The following EYA4 variants were observed in gnomAD, a reference collection of about 807,000 sequenced individuals.
EYA4 encodes the protein EYA transcriptional coactivator and phosphatase 4.
EYA4 carries 31 observed loss-of-function variants against 87.9 expected under a neutral mutation model. The observed-to-expected ratio is 0.35, with a 90% CI of 0.27 to 0.48. EYA4 has a LOEUF of 0.48. Ranked by LOEUF, EYA4 falls within the 20% of genes least tolerant of loss-of-function variation. The pLI is 0.99. For synonymous variants in EYA4, 263 were observed against 270.6 expected (o/e 0.97, Z 0.28); for missense variants, 678 against 761.4 (o/e 0.89, Z 1.29).
intron 12 of EYA4, 147 bp downstream of exon 12, chr6:133,481,746 A>G (rs761377497): frequency 2.3e-4 from 190 of 831,064 alleles, no homozygotes; most frequent in Non-Finnish European, 3.6e-4. Flanking sequence ...TAGGCATTTT[A>G]CAACTCTGAA....
chr6:133,247,288 A>G (rs761881029), intron 1 of EYA4: 2 of 152,202 alleles, frequency 1.3e-5, no homozygotes, highest in South Asian at 2.1e-4. Context: ...ATTATCAAGA[A>G]CTTATGACCA....
intron 2 of EYA4, among the ~76,000 whole-genome samples, chr6:133,321,748 C>T (rs1781106191): frequency 1.3e-5 from 2 of 152,136 alleles, no homozygotes; most frequent in African/African-American, 4.8e-5. Flanking sequence ...TTTTCTTTCC[C>T]CCACAGCATC....
intron 2 of EYA4, among the ~76,000 whole-genome samples, chr6:133,304,030 G>A (rs555742533): frequency 1.3e-5 from 2 of 152,140 alleles, no homozygotes; most frequent in African/African-American, 4.8e-5. Flanking sequence ...AGAAGGTTCA[G>A]ATCAGTATGT....
chr6:133,337,330 A>C (rs1419327622), intron 2 of EYA4, among the ~76,000 whole-genome samples: 1 of 151,880 alleles, frequency 6.6e-6, no homozygotes, highest in Non-Finnish European at 1.5e-5. Context: ...AGATATGAGA[A>C]ATGAATAAAT....
intron 10 of EYA4, among the ~76,000 whole-genome samples, chr6:133,466,934 G>T (rs921395269): frequency 6.6e-6 from 1 of 152,074 alleles, no homozygotes; most frequent in African/African-American, 2.4e-5. Flanking sequence ...ATAGCATTTT[G>T]AGCAAGAAAA....
chr6:133,250,062 C>T (rs1425858078), intron 1 of EYA4, among the ~76,000 whole-genome samples: 1 of 152,174 alleles, frequency 6.6e-6, no homozygotes, highest in East Asian at 1.9e-4. Context: ...AACATCCCCT[C>T]CTTGAGACTG....
At chr6:133,349,605 A>T (rs1202717252) in intron 2 of EYA4, among the ~76,000 whole-genome samples, 1 of 151,236 alleles carries the variant, frequency 6.6e-6, no homozygotes, top group African/African-American at 2.5e-5. Context: ...ATGTATGCTG[A>T]AACAAAATGC....
At chr6:133,252,761 A>G (rs1480372168) in intron 1 of EYA4, among the ~76,000 whole-genome samples, 1 of 152,206 alleles carries the variant, frequency 6.6e-6, no homozygotes, top group Non-Finnish European at 1.5e-5. Context: ...TAAACAGTAG[A>G]TAATTTTTAT....
At chr6:133,419,127 C>A (rs6912802) in intron 3 of EYA4, among the ~76,000 whole-genome samples, 7,713 of 151,944 alleles carry the variant, frequency 0.051, 576 homozygotes, top group African/African-American at 0.16. Context: ...AGGTATAGGC[C>A]CTGCACGGCC....
At chr6:133,417,584 A>G (rs1479259949) in intron 3 of EYA4, among the ~76,000 whole-genome samples, 7 of 152,194 alleles carry the variant, frequency 4.6e-5, no homozygotes, top group Non-Finnish European at 8.8e-5. Context: ...TATATGTTCT[A>G]TATAGGCAAA....
intron 2 of EYA4, among the ~76,000 whole-genome samples, chr6:133,323,419 T>C (rs1781249710): frequency 6.6e-6 from 1 of 152,142 alleles, no homozygotes; most frequent in Non-Finnish European, 1.5e-5. Flanking sequence ...CTGCTGCTGC[T>C]TCCTTCAAAA....
intron 3 of EYA4, among the ~76,000 whole-genome samples, chr6:133,417,503 T>C (rs1789825312): frequency 6.6e-6 from 1 of 152,116 alleles, no homozygotes; most frequent in Admixed American, 6.5e-5. Flanking sequence ...ATTCAATATA[T>C]GTCAAGATAA....
intron 1 of EYA4, among the ~76,000 whole-genome samples, chr6:133,269,447 T>A (rs1322401691): frequency 6.6e-6 from 1 of 152,226 alleles, no homozygotes; most frequent in Non-Finnish European, 1.5e-5. Context: ...ACTGTCACAT[T>A]ATATACATGT....
intron 2 of EYA4, among the ~76,000 whole-genome samples, chr6:133,289,179 A>G (rs997760115): frequency 3.3e-5 from 5 of 152,174 alleles, no homozygotes; most frequent in Non-Finnish European, 7.3e-5. Context: ...GAACAGAAAG[A>G]AGGTGAACTA....
chr6:133,357,166 G>A (rs1322157748), intron 2 of EYA4, among the ~76,000 whole-genome samples: 1 of 150,300 alleles, frequency 6.7e-6, no homozygotes. Context: ...AGCTACTTGG[G>A]AGGCTGAGGC....
intron 1 of EYA4, among the ~76,000 whole-genome samples, chr6:133,267,848 C>G (rs941514344): frequency 8.5e-5 from 13 of 152,142 alleles, no homozygotes; most frequent in Admixed American, 2.6e-4. Context: ...AAGGTTACTT[C>G]TTAGGAAAGT....
At chr6:133,255,564 C>T (rs1169153813) in intron 1 of EYA4, among the ~76,000 whole-genome samples, 3 of 152,058 alleles carry the variant, frequency 2.0e-5, no homozygotes, top group Non-Finnish European at 4.4e-5. Flanking sequence ...CTCTGCAAAT[C>T]AGGATAAGTT....
chr6:133,525,518 T>C (rs571981091), intron 19 of EYA4, among the ~76,000 whole-genome samples: 1 of 152,272 alleles, frequency 6.6e-6, no homozygotes, highest in South Asian at 2.1e-4. Context: ...TAAATATATA[T>C]AGTAACATAT....
At chr6:133,417,552 T>A (rs1431702228) in intron 3 of EYA4, among the ~76,000 whole-genome samples, 3 of 152,110 alleles carry the variant, frequency 2.0e-5, no homozygotes, top group Non-Finnish European at 4.4e-5. Flanking sequence ...ATGCAGAGCA[T>A]TTGTACTTGG....
Sources: allele counts gnomAD v4.1 joint callset (sites outside exome capture counted in the v4.1 genomes callset), GRCh38; gene constraint gnomAD v4.1.1; transcripts MANE v1.5; gene names NCBI Gene and HGNC (gene_info 2026-07-23, HGNC 2026-07-21).